Variants in SORCS3 observed in about 807,000 individuals in gnomAD.
The protein encoded by SORCS3 is sortilin related VPS10 domain containing receptor 3, also known as VPS10 domain-containing receptor SorCS3.
A neutral mutation model predicts 146.3 loss-of-function variants in SORCS3; 57 were observed. That is an observed-to-expected ratio of 0.39 (90% CI 0.31 to 0.49). The LOEUF is 0.49. Ranked by LOEUF, SORCS3 falls within the 20% of genes least tolerant of loss-of-function variation. The probability of loss-of-function intolerance (pLI) is 0.92; values close to 1 mark genes in which losing one functional copy is unlikely to be tolerated. For synonymous variants in SORCS3, 653 were observed against 618.5 expected (o/e 1.06, Z -0.83); for missense variants, 1,341 against 1,575.5 (o/e 0.85, Z 2.52).
intron 2 of SORCS3, among the ~76,000 whole-genome samples, chr10:104,884,391 G>T (rs2018661029): frequency 6.6e-6 from 1 of 152,232 alleles, no homozygotes; most frequent in Non-Finnish European, 1.5e-5. Flanking sequence ...CAACATCTAG[G>T]ATCTATGATA....
At chr10:104,750,314 T>C (rs1008553241) in intron 1 of SORCS3, among the ~76,000 whole-genome samples, 2 of 152,196 alleles carry the variant, frequency 1.3e-5, no homozygotes, top group African/African-American at 4.8e-5. Flanking sequence ...ATAAGCAGAA[T>C]GGACCTCGGC....
At chr10:105,149,046 G>A (rs791142) in intron 9 of SORCS3, among the ~76,000 whole-genome samples, 79,185 of 151,920 alleles carry the variant, frequency 0.52, 20,951 homozygotes, top group Middle Eastern at 0.56. Flanking sequence ...CTGCCACTAT[G>A]TAAGACATAC....
chr10:105,060,224 A>G (rs1182480283), intron 5 of SORCS3, among the ~76,000 whole-genome samples: 1 of 152,136 alleles, frequency 6.6e-6, no homozygotes, highest in Non-Finnish European at 1.5e-5. Context: ...ATGGTGGGTA[A>G]TGGCGGACAT....
At chr10:104,744,460 A>G (rs2016884765) in intron 1 of SORCS3, among the ~76,000 whole-genome samples, 1 of 152,220 alleles carries the variant, frequency 6.6e-6, no homozygotes, top group Non-Finnish European at 1.5e-5. Flanking sequence ...TATGTCAGCA[A>G]TAGAAAAGCA....
chr10:104,642,024 G>GGGGGGGGCCCCCCCC, intron 1 of SORCS3, 70 bp downstream of exon 1: 1 of 1,360,510 alleles, frequency 7.4e-7, no homozygotes, highest in East Asian at 2.7e-5. Context: ...GTGGGTGGGA[G>GGGGGGGGCCCCCCCC]CGAGGGACAG....
At chr10:104,971,234 G>T (rs2054858740) in intron 3 of SORCS3, among the ~76,000 whole-genome samples, 1 of 152,220 alleles carries the variant, frequency 6.6e-6, no homozygotes. Flanking sequence ...TCTGGCCACG[G>T]TGTGAAACAT....
intron 3 of SORCS3, among the ~76,000 whole-genome samples, chr10:104,918,178 A>T (rs139578071): frequency 6.6e-6 from 1 of 152,198 alleles, no homozygotes. Flanking sequence ...AAATATGCCT[A>T]TGCCACAAAA....
rs550068500 is a variant in SORCS3, at chr10:105,184,367, C to T, written c.2009+6194C>T. ...AATATAATTCTTCACTTGCTTTTCC[C>T]CCCCAACCATTTAAAATGTAAAAAT... On this transcript the variant is annotated intron_variant, in intron 14 of 26. Coordinates refer to ENST00000369701, the MANE Select transcript of SORCS3 (RefSeq NM_014978.3). Among the ~76,000 whole-genome samples, 49 of 152,278 alleles carry T rather than the reference C, an allele frequency of 3.2e-4. 1 individual carries two copies. In the South Asian group the frequency reaches 9.3e-3, roughly 29 times the overall value.
At chr10:105,217,481 A>C (rs2056672539) in intron 19 of SORCS3, among the ~76,000 whole-genome samples, 1 of 152,224 alleles carries the variant, frequency 6.6e-6, no homozygotes, top group African/African-American at 2.4e-5. Context: ...TCTCAGGCTC[A>C]TTCTCAATCT....
At chr10:105,084,883 A>T (rs1301140583) in intron 5 of SORCS3, among the ~76,000 whole-genome samples, 1 of 151,394 alleles carries the variant, frequency 6.6e-6, no homozygotes, top group East Asian at 2.0e-4. Flanking sequence ...GGCGCCCACC[A>T]CCATGCCTGG....
At chr10:105,096,245 C>T (rs551372756) in intron 6 of SORCS3, among the ~76,000 whole-genome samples, 1 of 152,196 alleles carries the variant, frequency 6.6e-6, no homozygotes, top group Non-Finnish European at 1.5e-5. Context: ...ATAAAGTTGT[C>T]CTGCTGATTT....
intron 5 of SORCS3, among the ~76,000 whole-genome samples, chr10:105,075,733 C>T (rs1167660533): frequency 6.6e-6 from 1 of 152,084 alleles, no homozygotes; most frequent in Non-Finnish European, 1.5e-5. Flanking sequence ...AATCATAATG[C>T]CCCCTTCCTC....
At chr10:104,747,710 C>T (rs2016927510) in intron 1 of SORCS3, among the ~76,000 whole-genome samples, 1 of 152,210 alleles carries the variant, frequency 6.6e-6, no homozygotes, top group Non-Finnish European at 1.5e-5. Context: ...AGAGACACTG[C>T]TCGGACCATT....
At chr10:105,217,159 C>A in intron 19 of SORCS3, 37 bp downstream of exon 19, 1 of 1,605,846 alleles carries the variant, frequency 6.2e-7, no homozygotes, top group Non-Finnish European at 8.5e-7. Context: ...TCCCTTTGTT[C>A]CCAGTTGGCA....
intron 2 of SORCS3, among the ~76,000 whole-genome samples, chr10:104,900,334 TG>T (rs1472587903): frequency 6.6e-6 from 1 of 152,216 alleles, no homozygotes. Flanking sequence ...AAACAGATTA[TG>T]CTTCTTCTAC....
intron 1 of SORCS3, among the ~76,000 whole-genome samples, chr10:104,759,770 C>A (rs937923802): frequency 5.3e-5 from 8 of 152,116 alleles, no homozygotes; most frequent in Admixed American, 3.3e-4. Context: ...TTTGCTGATT[C>A]ACCAGGTGTT....
At chr10:104,951,237 A>G (rs1250443120) in intron 3 of SORCS3, among the ~76,000 whole-genome samples, 1 of 152,162 alleles carries the variant, frequency 6.6e-6, no homozygotes, top group East Asian at 1.9e-4. Context: ...TAGACTGTAA[A>G]TTTCTTGAGG....
chr10:104,646,521 G>T (rs145982165), intron 1 of SORCS3, among the ~76,000 whole-genome samples: 83 of 152,312 alleles, frequency 5.4e-4, no homozygotes, highest in South Asian at 2.3e-3. Flanking sequence ...CTCATAAGGA[G>T]CAGAGAGGTG....
At chr10:104,978,486 G>A (rs911027177) in intron 4 of SORCS3, among the ~76,000 whole-genome samples, 10 of 152,018 alleles carry the variant, frequency 6.6e-5, no homozygotes, top group Admixed American at 2.0e-4. Flanking sequence ...TGGAGATCTC[G>A]CCCCAGCATA....
Sources: gnomAD v4.1 joint callset for allele counts (sites outside exome capture counted in the v4.1 genomes callset) on GRCh38, gnomAD v4.1.1 for gene constraint, MANE v1.5 for transcripts, NCBI Gene and HGNC (gene_info 2026-07-23, HGNC 2026-07-21) for gene names.